RBFOX1: variants seen among roughly 807,000 people sequenced by gnomAD.
RBFOX1 encodes RNA binding protein fox-1 homolog 1.
A neutral mutation model predicts 57.7 loss-of-function variants in RBFOX1; 8 were observed. That is an observed-to-expected ratio of 0.14 (90% CI 0.08 to 0.25). RBFOX1 has a LOEUF of 0.25. RBFOX1 is among the 10% of genes least tolerant of loss of function. RBFOX1 has a pLI of 1.00. For missense variants in RBFOX1, 611 were observed against 548.5 expected, an observed-to-expected ratio of 1.11 and a Z score of -1.14; for synonymous variants, 326 against 222.4, an observed-to-expected ratio of 1.47 and a Z score of -4.15.
chr16:5,802,469 G>C (rs1180729420), intron 3 of RBFOX1, among the ~76,000 whole-genome samples: 1 of 152,162 alleles, frequency 6.6e-6, no homozygotes, highest in Non-Finnish European at 1.5e-5. Flanking sequence ...GCCCTGGAAA[G>C]CTTAAAGTGA....
intron 3 of RBFOX1, among the ~76,000 whole-genome samples, chr16:7,006,120 A>G (rs993468579): frequency 2.6e-5 from 4 of 152,152 alleles, no homozygotes; most frequent in Admixed American, 2.6e-4. Flanking sequence ...ATCTTTGGCT[A>G]GAGGACATAC....
rs184978158 is a variant in RBFOX1, at chr16:6,523,418, C to T, written c.-63-131185C>T. Among the ~76,000 whole-genome samples, 23 of 152,208 alleles carry T rather than the reference C, an allele frequency of 1.5e-4. No homozygotes were observed. The East Asian group carries it at 2.7e-3, about 18-fold the overall frequency. On this transcript the variant is annotated intron_variant, in intron 2 of 15. Transcript: ENST00000550418. ...GTGTCTATGAACTTGGCAATGTTAACGGTCATTGAACATGGGTGCACATTT... is the reference window on the plus strand; with the variant it reads ...GTGTCTATGAACTTGGCAATGTTAATGGTCATTGAACATGGGTGCACATTT...
chr16:6,875,627 C>A (rs1261671311), intron 3 of RBFOX1, among the ~76,000 whole-genome samples: 8 of 152,156 alleles, frequency 5.3e-5, no homozygotes, highest in Non-Finnish European at 8.8e-5. Flanking sequence ...AGAGTTGATC[C>A]ACATCTGGAT....
At chr16:6,793,644 C>A (rs1056286671) in intron 3 of RBFOX1, among the ~76,000 whole-genome samples, 2 of 152,150 alleles carry the variant, frequency 1.3e-5, no homozygotes, top group African/African-American at 4.8e-5. Context: ...AAAAAGAAAT[C>A]TTGAGCCAAA....
At chr16:5,704,528 G>A (rs1490825673) in intron 3 of RBFOX1, among the ~76,000 whole-genome samples, 1 of 152,158 alleles carries the variant, frequency 6.6e-6, no homozygotes, top group Non-Finnish European at 1.5e-5. Flanking sequence ...ATTGGTGCAT[G>A]TAATTATTCA....
intron 3 of RBFOX1, among the ~76,000 whole-genome samples, chr16:6,675,045 A>T (rs550207416): frequency 6.6e-6 from 1 of 152,172 alleles, no homozygotes; most frequent in East Asian, 1.9e-4. Context: ...AGCTGGGACT[A>T]CAGGTATGTG....
At chr16:6,572,339 A>G (rs779862109) in intron 2 of RBFOX1, among the ~76,000 whole-genome samples, 11 of 152,162 alleles carry the variant, frequency 7.2e-5, no homozygotes, top group Non-Finnish European at 1.6e-4. Flanking sequence ...CATTTTCTTA[A>G]TGAGTATGTT....
chr16:5,706,926 A>G (rs781193846), intron 3 of RBFOX1, among the ~76,000 whole-genome samples: 1 of 152,088 alleles, frequency 6.6e-6, no homozygotes, highest in South Asian at 2.1e-4. Context: ...GTAGGTGGCC[A>G]GTATCTTACC....
chr16:6,802,041 T>C (rs2085590781), intron 3 of RBFOX1, among the ~76,000 whole-genome samples: 1 of 152,016 alleles, frequency 6.6e-6, no homozygotes, highest in South Asian at 2.1e-4. Flanking sequence ...ATAAACTTGT[T>C]TGTGGAGGCC....
chr16:6,119,949 C>G (rs1329508046), intron 1 of RBFOX1, among the ~76,000 whole-genome samples: 1 of 152,224 alleles, frequency 6.6e-6, no homozygotes, highest in Non-Finnish European at 1.5e-5. Context: ...TCCTTCTCCT[C>G]TGCCCCAGCC....
At chr16:5,703,980 A>G (rs1019208006) in intron 3 of RBFOX1, among the ~76,000 whole-genome samples, 6 of 152,150 alleles carry the variant, frequency 3.9e-5, no homozygotes, top group African/African-American at 1.2e-4. Context: ...GCCCCCTCAA[A>G]TCGTTACATG....
intron 4 of RBFOX1, among the ~76,000 whole-genome samples, chr16:7,171,972 A>T (rs562342362): frequency 6.6e-6 from 1 of 152,296 alleles, no homozygotes; most frequent in Admixed American, 6.5e-5. Flanking sequence ...CTGCCCTGGA[A>T]GCTGTGTAGT....
In RBFOX1 at chr16:6,526,551, C is replaced by T. The variant is rs552419423; in HGVS notation, c.-63-128052C>T. The stretch of plus-strand genomic sequence containing the variant: ...TTCTTAATGAAATACCCTAAGAGGG[C>T]CAGGCACAGTGGCTCATGCCTGTAA... On this transcript the variant is annotated intron_variant, in intron 2 of 15. Transcript: ENST00000550418. Among the ~76,000 whole-genome samples the T allele has an allele frequency of 8.5e-4, 130 of 152,134 alleles. 2 individuals are homozygous for T. Among genetic ancestry groups the T allele is most frequent in the South Asian group, 3.1e-3 (15 of 4,816 alleles).
At chr16:5,875,443 G>C (rs185629659) in intron 4 of RBFOX1, among the ~76,000 whole-genome samples, 1 of 152,174 alleles carries the variant, frequency 6.6e-6, no homozygotes, top group Admixed American at 6.5e-5. Flanking sequence ...TGTCTCGTTT[G>C]TCTGTTACAT....
intron 3 of RBFOX1, among the ~76,000 whole-genome samples, chr16:5,756,074 C>G (rs1439597028): frequency 1.3e-5 from 2 of 152,056 alleles, no homozygotes; most frequent in Non-Finnish European, 1.5e-5. Flanking sequence ...TCTCCTGTCT[C>G]TCCCAGTGCC....
chr16:7,467,946 C>T (rs1301724187), intron 4 of RBFOX1, among the ~76,000 whole-genome samples: 1 of 152,340 alleles, frequency 6.6e-6, no homozygotes, highest in Non-Finnish European at 1.5e-5. Context: ...TTTTGGATAA[C>T]AGGTTATTGC....
chr16:6,160,787 C>T (rs2096872462), intron 1 of RBFOX1, among the ~76,000 whole-genome samples: 1 of 152,158 alleles, frequency 6.6e-6, no homozygotes, highest in African/African-American at 2.4e-5. Context: ...CGTCTTGGGC[C>T]TTTGCACTTG....
At chr16:6,372,241 G>T (rs976784561) in intron 2 of RBFOX1, among the ~76,000 whole-genome samples, 16 of 151,994 alleles carry the variant, frequency 1.1e-4, no homozygotes, top group African/African-American at 2.7e-4. Flanking sequence ...TAGGAGTATT[G>T]TTGGGTGGAA....
chr16:6,384,238 T>G (rs2092078143), intron 2 of RBFOX1, among the ~76,000 whole-genome samples: 1 of 152,186 alleles, frequency 6.6e-6, no homozygotes, highest in African/African-American at 2.4e-5. Context: ...AAGAGTTGAG[T>G]GCTACCTCAT....
Sources: allele counts gnomAD v4.1 joint callset (sites outside exome capture counted in the v4.1 genomes callset), GRCh38; gene constraint gnomAD v4.1.1; transcripts MANE v1.5; gene names NCBI Gene and HGNC (gene_info 2026-07-23, HGNC 2026-07-21).